Variants in SBF2 observed in about 807,000 individuals in gnomAD.
SBF2 encodes the protein myotubularin-related protein 13.
Under a neutral mutation model 225.2 loss-of-function variants are expected in SBF2, and 112 were observed. The observed-to-expected ratio is 0.50, with a 90% CI of 0.43 to 0.58. The LOEUF (loss-of-function observed/expected upper bound fraction) is 0.58. Ranked by LOEUF, SBF2 falls within the 20% of genes least tolerant of loss-of-function variation. The probability of loss-of-function intolerance (pLI) is 0.00; values close to 1 mark genes in which losing one functional copy is unlikely to be tolerated. For synonymous variants in SBF2, 763 were observed against 773.3 expected (o/e 0.99, Z 0.22); for missense variants, 1,996 against 2,206.2 (o/e 0.90, Z 1.91).
intron 1 of SBF2, among the ~76,000 whole-genome samples, chr11:10,281,033 G>A (rs1393714924): frequency 6.6e-6 from 1 of 152,032 alleles, no homozygotes; most frequent in Non-Finnish European, 1.5e-5. Flanking sequence ...TGACTTTTCT[G>A]ATCTCGCCTT....
intron 2 of SBF2, among the ~76,000 whole-genome samples, chr11:10,101,819 G>A (rs755321763): frequency 1.2e-4 from 18 of 152,066 alleles, no homozygotes; most frequent in African/African-American, 3.4e-4. Context: ...TTTCAGTGTC[G>A]TTCTGTAATG....
intron 1 of SBF2, among the ~76,000 whole-genome samples, chr11:10,280,972 C>T (rs1481961261): frequency 6.6e-6 from 1 of 152,170 alleles, no homozygotes; most frequent in Non-Finnish European, 1.5e-5. Context: ...CCTTATCTCA[C>T]TGATCGCTAT....
At chr11:10,024,354 G>A (rs1314648527) in intron 6 of SBF2, among the ~76,000 whole-genome samples, 1 of 151,198 alleles carries the variant, frequency 6.6e-6, no homozygotes, top group Non-Finnish European at 1.5e-5. Context: ...GTCAAACTGT[G>A]TTCCAAGATA....
intron 13 of SBF2, among the ~76,000 whole-genome samples, chr11:9,975,047 T>C (rs1378911588): frequency 6.9e-6 from 1 of 145,762 alleles, no homozygotes; most frequent in Non-Finnish European, 1.5e-5. Flanking sequence ...ACAAATGGAA[T>C]GCTAATATAC....
At chr11:9,820,330 G>A (rs1564882713) in intron 28 of SBF2, among the ~76,000 whole-genome samples, 1 of 152,208 alleles carries the variant, frequency 6.6e-6, no homozygotes, top group Non-Finnish European at 1.5e-5. Context: ...GGTGGCCAAA[G>A]GAAGCCAGAA....
intron 13 of SBF2, among the ~76,000 whole-genome samples, chr11:9,978,252 C>A (rs1232086134): frequency 6.6e-6 from 1 of 152,136 alleles, no homozygotes; most frequent in South Asian, 2.1e-4. Flanking sequence ...AAAGTATTTA[C>A]TTCATGAATG....
chr11:9,973,174 G>A (rs1946537210), intron 13 of SBF2, among the ~76,000 whole-genome samples: 1 of 152,204 alleles, frequency 6.6e-6, no homozygotes, highest in Admixed American at 6.5e-5. Flanking sequence ...GCAATGAGAG[G>A]AAGTTTAGGG....
chr11:10,174,604 A>T (rs946812177), intron 2 of SBF2, among the ~76,000 whole-genome samples: 3 of 152,238 alleles, frequency 2.0e-5, no homozygotes, highest in Non-Finnish European at 4.4e-5. Context: ...ATCATCCAGG[A>T]GAACTTCCCC....
chr11:9,847,861 T>G (rs1024695768), intron 22 of SBF2, among the ~76,000 whole-genome samples: 4 of 152,270 alleles, frequency 2.6e-5, no homozygotes, highest in Non-Finnish European at 5.9e-5. Context: ...TGTGGTTAGC[T>G]CCTACGTTTG....
intron 6 of SBF2, among the ~76,000 whole-genome samples, chr11:10,012,091 G>C (rs1035457611): frequency 1.3e-5 from 2 of 151,998 alleles, no homozygotes; most frequent in Non-Finnish European, 2.9e-5. Context: ...AAATTTTATT[G>C]ATTTTTATTT....
At chr11:10,143,869 T>C (rs1295067101) in intron 2 of SBF2, among the ~76,000 whole-genome samples, 2 of 152,066 alleles carry the variant, frequency 1.3e-5, no homozygotes, top group Non-Finnish European at 2.9e-5. Flanking sequence ...AGGCACTCGC[T>C]ACCGCGCCCG....
At chr11:9,984,363 C>T (rs1296909516) in intron 13 of SBF2, among the ~76,000 whole-genome samples, 6 of 151,984 alleles carry the variant, frequency 3.9e-5, no homozygotes, top group African/African-American at 1.2e-4. Flanking sequence ...TTGAATTAAC[C>T]TAATCCAACA....
intron 16 of SBF2, among the ~76,000 whole-genome samples, chr11:9,906,501 G>T (rs1862130930): frequency 6.6e-6 from 1 of 152,200 alleles, no homozygotes; most frequent in South Asian, 2.1e-4. Context: ...TTTACTCATT[G>T]TAGTGCATGT....
At chr11:10,221,909 A>T (rs549245005) in intron 1 of SBF2, among the ~76,000 whole-genome samples, 1 of 152,338 alleles carries the variant, frequency 6.6e-6, no homozygotes, top group South Asian at 2.1e-4. Context: ...GAAGAATCAA[A>T]GGACAGAGTT....
At chr11:10,024,159 T>C (rs763221690) in intron 6 of SBF2, among the ~76,000 whole-genome samples, 1 of 152,222 alleles carries the variant, frequency 6.6e-6, no homozygotes, top group Non-Finnish European at 1.5e-5. Context: ...GCCATTCATT[T>C]TTCATTTAGC....
chr11:10,170,187 T>C (rs1956129729), intron 2 of SBF2, among the ~76,000 whole-genome samples: 1 of 152,174 alleles, frequency 6.6e-6, no homozygotes, highest in South Asian at 2.1e-4. Flanking sequence ...TTATGGGGTA[T>C]TACTCGAAGT....
At chr11:9,858,486 G>C in intron 17 of SBF2, 90 bp from the exon 18 acceptor site, 1 of 1,283,604 alleles carries the variant, frequency 7.8e-7, no homozygotes, top group Non-Finnish European at 1.1e-6. Flanking sequence ...TCATAGATGA[G>C]ATCAAAGGAT....
At chr11:10,114,720 T>C (rs1191032914) in intron 2 of SBF2, among the ~76,000 whole-genome samples, 2 of 152,408 alleles carry the variant, frequency 1.3e-5, no homozygotes, top group East Asian at 3.8e-4. Context: ...TTTTCCATTA[T>C]GATCCCATTG....
intron 2 of SBF2, among the ~76,000 whole-genome samples, chr11:10,152,349 G>A (rs1259491768): frequency 1.3e-5 from 2 of 150,104 alleles, no homozygotes; most frequent in African/African-American, 2.4e-5. Flanking sequence ...TCGGGAGTTC[G>A]AGACCAGCCT....
Sources: gnomAD v4.1 joint callset for allele counts (sites outside exome capture counted in the v4.1 genomes callset) on GRCh38, gnomAD v4.1.1 for gene constraint, MANE v1.5 for transcripts, NCBI Gene and HGNC (gene_info 2026-07-23, HGNC 2026-07-21) for gene names.